CDH13: variants seen among roughly 807,000 people sequenced by gnomAD.
CDH13 encodes the protein cadherin-13.
Under a neutral mutation model 63.8 loss-of-function variants are expected in CDH13, and 24 were observed. The ratio of observed to expected loss-of-function variants is 0.38; its 90% CI spans 0.27 to 0.53. The LOEUF is 0.53. Ranked by LOEUF, CDH13 falls within the 20% of genes least tolerant of loss-of-function variation. The pLI is 0.85. For synonymous variants in CDH13, 503 were observed against 355.3 expected (o/e 1.42, Z -4.67); for missense variants, 1,049 against 903.1 (o/e 1.16, Z -2.07).
At chr16:83,470,735 T>C (rs562010659) in intron 6 of CDH13, among the ~76,000 whole-genome samples, 1 of 152,306 alleles carries the variant, frequency 6.6e-6, no homozygotes, top group Admixed American at 6.5e-5. Flanking sequence ...GTCCTCTGCC[T>C]CTCATTTGCC....
intron 2 of CDH13, among the ~76,000 whole-genome samples, chr16:82,951,747 C>G (rs1905326938): frequency 2.0e-5 from 3 of 152,184 alleles, no homozygotes; most frequent in Non-Finnish European, 2.9e-5. Flanking sequence ...ATGTCCATAA[C>G]TGTCTCCCCC....
chr16:83,338,591 C>G (rs987309027), intron 5 of CDH13, among the ~76,000 whole-genome samples: 4 of 152,236 alleles, frequency 2.6e-5, no homozygotes, highest in Non-Finnish European at 5.9e-5. Flanking sequence ...AGCAAGGAGG[C>G]TGACGCCATG....
At chr16:82,627,988 G>A (rs1907552786) in intron 1 of CDH13, among the ~76,000 whole-genome samples, 1 of 152,260 alleles carries the variant, frequency 6.6e-6, no homozygotes, top group African/African-American at 2.4e-5. Flanking sequence ...CACGGCGCGA[G>A]GGAAGGGCAC....
intron 2 of CDH13, among the ~76,000 whole-genome samples, chr16:82,969,702 A>C (rs1908415348): frequency 6.6e-6 from 1 of 152,070 alleles, no homozygotes; most frequent in Non-Finnish European, 1.5e-5. Context: ...ATGTCTCCGG[A>C]CATCGTAAAA....
intron 7 of CDH13, among the ~76,000 whole-genome samples, chr16:83,506,047 G>C (rs77220709): frequency 0.024 from 3,698 of 152,212 alleles, 152 homozygotes; most frequent in African/African-American, 0.084. Context: ...TCACACCCAG[G>C]TCAGTGTAAG....
chr16:83,222,661 C>G (rs948038256), intron 5 of CDH13, among the ~76,000 whole-genome samples: 2 of 152,036 alleles, frequency 1.3e-5, no homozygotes, highest in Non-Finnish European at 2.9e-5. Context: ...GTCCTCTACT[C>G]TGGTCTCCCC....
intron 3 of CDH13, among the ~76,000 whole-genome samples, chr16:83,050,616 C>A (rs1490121105): frequency 6.6e-6 from 1 of 152,116 alleles, no homozygotes; most frequent in Non-Finnish European, 1.5e-5. Context: ...TTTATCCAAC[C>A]TAGCAGCTTT....
Position 82,644,413 on chromosome 16 carries a change from G to T in CDH13, c.45+17276G>T, listed in dbSNP as rs369093674. ...TTCTCAGGTCCCTTAACCATGGAAC[G>T]TACTCCTGTCTGCCCTCACTCGTGG... On this transcript the variant is annotated intron_variant, in intron 1 of 13. Transcript: ENST00000567109. This position sits in a 1 kb window ranked among gnomAD's most constrained non-coding sequence, Gnocchi z 5.7. Among the ~76,000 whole-genome samples, 1 of 152,038 alleles carries T rather than the reference G, an allele frequency of 6.6e-6. No homozygotes were observed. Among genetic ancestry groups the T allele is most frequent in the African/African-American group, 2.4e-5 (1 of 41,378 alleles).
At chr16:83,036,614 C>G (rs993740896) in intron 3 of CDH13, among the ~76,000 whole-genome samples, 1 of 152,138 alleles carries the variant, frequency 6.6e-6, no homozygotes, top group Admixed American at 6.5e-5. Flanking sequence ...CCCACTTTCC[C>G]TCTTCCCGTG....
At chr16:83,102,315 G>C (rs1004393455) in intron 3 of CDH13, among the ~76,000 whole-genome samples, 5 of 152,168 alleles carry the variant, frequency 3.3e-5, no homozygotes, top group African/African-American at 4.8e-5. Context: ...GTTATGACTT[G>C]TTATAGCAGC....
At chr16:83,293,564 A>G (rs2089515540) in intron 5 of CDH13, among the ~76,000 whole-genome samples, 1 of 152,214 alleles carries the variant, frequency 6.6e-6, no homozygotes, top group Admixed American at 6.5e-5. Flanking sequence ...GTCTATATTC[A>G]GAGGTTATTT....
At chr16:83,496,435 G>C (rs933342871) in intron 7 of CDH13, among the ~76,000 whole-genome samples, 1 of 151,346 alleles carries the variant, frequency 6.6e-6, no homozygotes, top group African/African-American at 2.4e-5. Context: ...AATAAATGGT[G>C]CTGGGAAAAC....
At chr16:83,072,288 A>G (rs1427628667) in intron 3 of CDH13, among the ~76,000 whole-genome samples, 3 of 152,186 alleles carry the variant, frequency 2.0e-5, no homozygotes, top group Non-Finnish European at 4.4e-5. Context: ...AGATACTTCA[A>G]AGTTTGCAAT....
At chr16:82,768,299 A>G (rs139807121) in intron 1 of CDH13, among the ~76,000 whole-genome samples, 41 of 152,290 alleles carry the variant, frequency 2.7e-4, no homozygotes, top group Admixed American at 9.8e-4. Context: ...GCTAGTTGAT[A>G]ATGATGCCTC....
chr16:82,960,528 C>T (rs928271499), intron 2 of CDH13, among the ~76,000 whole-genome samples: 5 of 152,090 alleles, frequency 3.3e-5, no homozygotes, highest in African/African-American at 1.2e-4. Flanking sequence ...ATAAATATGC[C>T]CGATGCAAAG....
At chr16:83,161,211 G>A (rs1211283928) in intron 4 of CDH13, among the ~76,000 whole-genome samples, 1 of 152,042 alleles carries the variant, frequency 6.6e-6, no homozygotes, top group Non-Finnish European at 1.5e-5. Flanking sequence ...CAGTTTCCAG[G>A]GAGATATACT....
intron 10 of CDH13, chr16:83,721,406 A>C (rs1269287780): frequency 6.6e-6 from 1 of 152,158 alleles, no homozygotes; most frequent in East Asian, 1.9e-4. Flanking sequence ...TAGAGAGGAG[A>C]GGTTTGCTGT....
chr16:83,664,882 A>G (rs1913790626), intron 8 of CDH13, among the ~76,000 whole-genome samples: 2 of 152,222 alleles, frequency 1.3e-5, no homozygotes, highest in Non-Finnish European at 2.9e-5. Context: ...GATGTACAGT[A>G]CCTACAAAGA....
chr16:83,382,913 A>G lies in CDH13; in HGVS notation c.781+37907A>G, dbSNP rs1279008373. On this transcript the variant is annotated intron_variant, in intron 6 of 13. Coordinates refer to ENST00000567109, the MANE Select transcript of CDH13 (RefSeq NM_001257.5). ...CAAGTGGGAATTGGTATTGACATCT[A>G]GGGCTTAGACACCAGAGATGATGCC... 2.6e-5 allele frequency: 4 copies of G among 152,332 alleles called. No individual in the cohort carries two copies. The East Asian group carries it at 7.7e-4, about 29-fold the overall frequency. The allele number at this position is 152,332 out of a possible 1,614,324, so 9.4% of individuals were successfully genotyped here. A position where few individuals can be genotyped will look rare whatever the true frequency, so the allele number is the denominator to read the frequency against.
Sources: gnomAD v4.1 joint callset for allele counts (sites outside exome capture counted in the v4.1 genomes callset) on GRCh38, gnomAD v4.1.1 for gene constraint, Gnocchi (gnomAD v3.1) non-coding constraint, MANE v1.5 for transcripts, NCBI Gene and HGNC (gene_info 2026-07-23, HGNC 2026-07-21) for gene names.